The following RPGRIP1 variants were observed in gnomAD, a reference collection of about 807,000 sequenced individuals.
The protein encoded by RPGRIP1 is X-linked retinitis pigmentosa GTPase regulator-interacting protein 1.
In RPGRIP1, 128 loss-of-function variants were observed where a neutral mutation model predicts 157.9. That is an observed-to-expected ratio of 0.81 (90% confidence interval 0.70 to 0.94). The LOEUF is 0.94. Ranked by LOEUF, RPGRIP1 falls within the 40% of genes least tolerant of loss-of-function variation. The pLI is 0.00. For synonymous variants in RPGRIP1, 554 were observed against 571.6 expected (o/e 0.97, Z 0.44); for missense variants, 1,486 against 1,545.8 (o/e 0.96, Z 0.65).
chr14:21,281,698 AAAAATAAAT>A (rs1880131125), intron 1 of RPGRIP1, among the ~76,000 whole-genome samples: 1 of 103,032 alleles, frequency 9.7e-6, no homozygotes, highest in African/African-American at 3.7e-5. Context: ...CAAAAAAAAA[AAAAATAAAT>A]AATAATAATA....
At chr14:21,351,060 A>G in intron 24 of RPGRIP1, 44 bp from the exon 25 acceptor site, 2 of 1,087,042 alleles carry the variant, frequency 1.8e-6, no homozygotes, top group Non-Finnish European at 2.8e-6. Flanking sequence ...CCAAGTATCA[A>G]AGTGTTCAAC....
rs2139156722 is a variant in RPGRIP1 at position 21,301,156 on chromosome 14, C to T, written c.409C>T (p.Arg137Cys). ...HFHCVGPASPRRAQPRVQVGH... is the reference protein window; with the variant it reads ...HFHCVGPASPCRAQPRVQVGH... ...CCACTGCGTCGGCCCTGCCAGCCCC[C>T]GCCGCGCCCAGCCTCGCGTCCAAGT... Residue 137 changes from arginine to cysteine, a missense_variant, in exon 4 of 25, where the codon CGC (arginine) becomes TGC (cysteine). Physicochemically the swap from Arg to Cys is radical, Grantham distance 180. Coordinates refer to ENST00000400017, the MANE Select transcript of RPGRIP1 (RefSeq NM_020366.4). The T allele has an allele frequency of 6.3e-7, 1 of 1,595,058 alleles. No homozygotes were observed. Among genetic ancestry groups the T allele is most frequent in the South Asian group, 1.1e-5 (1 of 88,950 alleles).
intron 9 of RPGRIP1, 29 bp downstream of exon 9, chr14:21,311,999 C>T: frequency 1.9e-6 from 3 of 1,582,954 alleles, no homozygotes; most frequent in Non-Finnish European, 2.6e-6. Flanking sequence ...AAGATACCAT[C>T]TACATTTCAA....
intron 19 of RPGRIP1, 114 bp downstream of exon 19, chr14:21,328,741 G>A (rs1480441223): frequency 2.4e-5 from 18 of 750,586 alleles, no homozygotes; most frequent in East Asian, 2.7e-5. Context: ...AGCACTAATC[G>A]GCCGGGCATG....
rs869025257 is a variant in RPGRIP1, at chr14:21,325,887, C to G, written c.2424C>G (p.Cys808Trp). 6.2e-7 allele frequency: 1 copy of G among 1,613,958 alleles called. No individual in the cohort carries two copies. ...QNELWIEITK[C>W]CGLRSRWLGT... Reference sequence around the variant, plus strand: ...AGCTGTGGATTGAAATCACCAAGTGCTGTGGCCTCCGGAGTCGATGGCTGG... The same window carrying G: ...AGCTGTGGATTGAAATCACCAAGTGGTGTGGCCTCCGGAGTCGATGGCTGG... The change falls in exon 17 of 25, where the codon TGC (cysteine) becomes TGG (tryptophan). Residue 808 changes from cysteine (C) to tryptophan (W), a missense_variant. Transcript: ENST00000400017.
intron 21 of RPGRIP1, 108 bp from the exon 22 acceptor site, chr14:21,342,928 T>C (rs1885164825): frequency 1.3e-6 from 1 of 752,138 alleles, no homozygotes; most frequent in African/African-American, 1.8e-5. Context: ...AGATAGATTA[T>C]ACCTATGGTT....
At chr14:21,304,313 CAA>C (rs760147376) in intron 6 of RPGRIP1, among the ~76,000 whole-genome samples, 3 of 41,282 alleles carry the variant, frequency 7.3e-5, no homozygotes, top group Non-Finnish European at 1.4e-4. Context: ...AAAACTCTGT[CAA>C]AAAAAAAAAA....
chr14:21,297,849 C>CTTTCTTTCTTTCTTTCT (rs1880856034), intron 3 of RPGRIP1, among the ~76,000 whole-genome samples: 1 of 148,782 alleles, frequency 6.7e-6, no homozygotes, highest in Admixed American at 6.8e-5. Flanking sequence ...TTCTTTCTTT[C>CTTTCTTTCTTTCTTTCT]TTTCTTTCTT....
chr14:21,344,132 A>G (rs79869062), intron 22 of RPGRIP1, among the ~76,000 whole-genome samples: 2,916 of 150,620 alleles, frequency 0.019, 101 homozygotes, highest in African/African-American at 0.068. Flanking sequence ...TTTCCTTCCC[A>G]TCGTAATTGT....
chr14:21,288,329 C>T (rs1303474198), intron 2 of RPGRIP1, among the ~76,000 whole-genome samples: 4 of 151,516 alleles, frequency 2.6e-5, no homozygotes, highest in Admixed American at 2.0e-4. Context: ...TACAGGCGTG[C>T]ACCACCATGC....
chr14:21,314,884 G>A (rs1161105872), intron 10 of RPGRIP1, among the ~76,000 whole-genome samples: 5 of 151,714 alleles, frequency 3.3e-5, no homozygotes, highest in East Asian at 1.9e-4. Flanking sequence ...TTAGCTGGGC[G>A]TGGTGGCAGG....
At position 21,334,636 on chromosome 14, in the gene RPGRIP1, C is replaced by T; in HGVS notation, c.3270C>T (p.Val1090=). 6.2e-7 allele frequency: 1 copy of T among 1,608,992 alleles called. No homozygotes were observed. Among genetic ancestry groups the T allele is most frequent in the Non-Finnish European group, 8.5e-7 (1 of 1,178,110 alleles). Residue 1090 remains valine (V), a synonymous_variant, in exon 21 of 25, where the codon GTC becomes GTT. Coordinates refer to ENST00000400017, the MANE Select transcript of RPGRIP1 (RefSeq NM_020366.4). ...AATCCTCTGAACAAGGTTCTGAAGTCAGTGAAGCACAAACTACCGACAGTG... is the reference window on the plus strand; with the variant it reads ...AATCCTCTGAACAAGGTTCTGAAGTTAGTGAAGCACAAACTACCGACAGTG... ...DKESSEQGSE[V]SEAQTTDSDD... is the part of the protein sequence containing the mutation.
At chr14:21,321,001 T>C (rs1051236760) in intron 12 of RPGRIP1, among the ~76,000 whole-genome samples, 20 of 152,168 alleles carry the variant, frequency 1.3e-4, no homozygotes, top group African/African-American at 4.3e-4. Flanking sequence ...ATTTAGAATC[T>C]TTTTCAGATG....
Position 21,307,790 on chromosome 14 carries a change from A to T in RPGRIP1, c.860A>T (p.Asn287Ile). ...CTTAAGAAGCTCTTACATGAAAGAA[A>T]TGCTTCATTGGTTATGACAAAAGCA... ...IRLKKLLHER[N>I]ASLVMTKAQL... is the part of the protein sequence containing the mutation. Residue 287 changes from asparagine to isoleucine, a missense_variant, in exon 7 of 25, where the codon AAT (asparagine) becomes ATT (isoleucine). Coordinates refer to ENST00000400017, the MANE Select transcript of RPGRIP1 (RefSeq NM_020366.4). The T allele has an allele frequency of 6.4e-7, 1 of 1,570,324 alleles. No homozygotes were observed. The highest frequency in any genetic ancestry group is 1.7e-4 in the Middle Eastern group (1 of 6,008).
At chr14:21,286,075 C>T (rs759991368) in intron 1 of RPGRIP1, among the ~76,000 whole-genome samples, 6 of 151,988 alleles carry the variant, frequency 3.9e-5, no homozygotes, top group Non-Finnish European at 5.9e-5. Context: ...CTGCAACCTC[C>T]GCCTTCCAGG....
Position 21,337,428 on chromosome 14 carries a change from C to T in RPGRIP1, c.3339+2723C>T, listed in dbSNP as rs568151354. ...CATTTCTCTGACCTACTGGAGTTCT[C>T]AATGTTAAGCTTTTTTTTTTTTTTT... On this transcript the variant is annotated intron_variant, in intron 21 of 24. Transcript: ENST00000400017. 1.1e-3 allele frequency among the ~76,000 whole-genome samples: 153 copies of T among 144,968 alleles called. No individual in the cohort carries two copies. The Middle Eastern group carries it at 0.015, about 14-fold the overall frequency.
intron 10 of RPGRIP1, among the ~76,000 whole-genome samples, chr14:21,316,733 A>G (rs1262573081): frequency 6.6e-6 from 1 of 152,330 alleles, no homozygotes; most frequent in East Asian, 1.9e-4. Flanking sequence ...TTATTTTTAA[A>G]CCACATTTAC....
Position 21,288,062 on chromosome 14 carries a change from G to A in RPGRIP1, c.85+1G>A, listed in dbSNP as rs766770824. ...CCTCTGGTGCTACCAGCCTCAAAAG[G>A]TAACTTCTACGCCTGAGGATGGACA... On this transcript the variant is annotated splice_donor_variant, in intron 2 of 24. Transcript: ENST00000400017. LOFTEE classifies it high-confidence loss of function. 1 of 1,603,850 alleles carries A rather than the reference G, an allele frequency of 6.2e-7. No homozygotes were observed. Among genetic ancestry groups the A allele is most frequent in the Non-Finnish European group, 8.5e-7 (1 of 1,170,782 alleles).
intron 6 of RPGRIP1, among the ~76,000 whole-genome samples, chr14:21,304,512 C>T (rs1193308406): frequency 3.9e-5 from 6 of 152,022 alleles, no homozygotes; most frequent in Non-Finnish European, 4.4e-5. Context: ...AGAAGGAAAA[C>T]GACTTCATCC....
Sources: gnomAD v4.1 joint callset for allele counts (sites outside exome capture counted in the v4.1 genomes callset) on GRCh38, gnomAD v4.1.1 for gene constraint, MANE v1.5 for transcripts, NCBI Gene and HGNC (gene_info 2026-07-23, HGNC 2026-07-21) for gene names.